PARVB: variants seen among roughly 807,000 people sequenced by gnomAD.
PARVB encodes the protein beta-parvin.
In PARVB, 46 loss-of-function variants were observed where a neutral mutation model predicts 47.0. That is an observed-to-expected ratio of 0.98 (90% CI 0.77 to 1.25). The LOEUF is 1.25. PARVB is among the 50% of genes most tolerant of loss of function. PARVB has a pLI of 0.00. For missense variants in PARVB, 473 were observed against 471.6 expected, an observed-to-expected ratio of 1.00 and a Z score of -0.03; for synonymous variants, 196 against 196.3, an observed-to-expected ratio of 1.00 and a Z score of 0.01.
chr22:44,046,757 C>T (rs2051119359), intron 1 of PARVB, among the ~76,000 whole-genome samples: 2 of 152,180 alleles, frequency 1.3e-5, no homozygotes, highest in Non-Finnish European at 2.9e-5. Context: ...TTGGGGTGTT[C>T]CCACCAGTGT....
At chr22:44,074,946 G>A (rs1358427127) in intron 1 of PARVB, among the ~76,000 whole-genome samples, 1 of 152,222 alleles carries the variant, frequency 6.6e-6, no homozygotes, top group Non-Finnish European at 1.5e-5. Context: ...AGTCGGTGGG[G>A]ACGGGGCTTC....
At chr22:44,159,072 A>AGAGC (rs1038883667) in intron 11 of PARVB, among the ~76,000 whole-genome samples, 1 of 151,848 alleles carries the variant, frequency 6.6e-6, no homozygotes, top group Non-Finnish European at 1.5e-5. Flanking sequence ...CGAGAGAGAG[A>AGAGC]GAGCGAGCGA....
chr22:44,044,485 C>T (rs536590678), intron 1 of PARVB, among the ~76,000 whole-genome samples: 16 of 148,550 alleles, frequency 1.1e-4, no homozygotes, highest in South Asian at 8.6e-4. Context: ...CCACCACGCC[C>T]GGCCTGTTTT....
At chr22:44,007,914 A>T (rs1354303302) in intron 2 of PARVB, among the ~76,000 whole-genome samples, 1 of 152,218 alleles carries the variant, frequency 6.6e-6, no homozygotes, top group Non-Finnish European at 1.5e-5. Context: ...AAGCAGGATC[A>T]TACAGTATGT....
intron 1 of PARVB, among the ~76,000 whole-genome samples, chr22:44,042,416 G>A (rs1022136974): frequency 2.0e-5 from 3 of 152,172 alleles, no homozygotes; most frequent in Non-Finnish European, 4.4e-5. Context: ...GCGAGACTCC[G>A]AAGTGAAGGG....
intron 6 of PARVB, among the ~76,000 whole-genome samples, chr22:44,133,733 C>T (rs1292821677): frequency 5.9e-5 from 9 of 152,022 alleles, no homozygotes; most frequent in East Asian, 3.9e-4. Context: ...GACAAGGTCT[C>T]GCTATGTTGC....
intron 2 of PARVB, among the ~76,000 whole-genome samples, chr22:44,011,518 A>G (rs2050523135): frequency 6.6e-6 from 1 of 152,118 alleles, no homozygotes; most frequent in African/African-American, 2.4e-5. Context: ...GGCTGAGGCA[A>G]GAACATTGTA....
At chr22:44,147,524 T>C (rs569126832) in intron 8 of PARVB, 7 of 404,392 alleles carry the variant, frequency 1.7e-5, no homozygotes, top group African/African-American at 1.4e-4. Flanking sequence ...CAGGGAGAAT[T>C]CAGGACGCCT....
chr22:44,168,364 C>T, intron 12 of PARVB: 1 of 495,700 alleles, frequency 2.0e-6, no homozygotes, highest in East Asian at 3.6e-5. Flanking sequence ...CTGTTCTTGT[C>T]ACCCCAGGTG....
chr22:44,037,034 A>T (rs2050934618), intron 1 of PARVB, among the ~76,000 whole-genome samples: 1 of 151,862 alleles, frequency 6.6e-6, no homozygotes, highest in South Asian at 2.1e-4. Flanking sequence ...TAAAAGTTAA[A>T]GGAAGATTAA....
intron 2 of PARVB, among the ~76,000 whole-genome samples, chr22:44,001,109 G>A (rs2050408863): frequency 1.3e-5 from 2 of 152,178 alleles, no homozygotes; most frequent in Admixed American, 6.5e-5. Flanking sequence ...AATTAGCTGG[G>A]CGTGGTGGTG....
intron 10 of PARVB, among the ~76,000 whole-genome samples, chr22:44,154,536 T>TGTGG (rs1334622726): frequency 9.3e-6 from 1 of 107,056 alleles, no homozygotes; most frequent in East Asian, 3.3e-4. Context: ...GTCTGGTGGG[T>TGTGG]GTGTGTGTGT....
intron 4 of PARVB, chr22:44,119,953 T>A (rs2053006051): frequency 1.3e-5 from 6 of 452,522 alleles, no homozygotes; most frequent in South Asian, 3.1e-5. Context: ...AGATGATGCA[T>A]GAGAGGAATT....
rs1004528 is a variant in PARVB at position 44,056,392 on chromosome 22, G to A, written c.112+31941G>A. 7.2e-3 allele frequency among the ~76,000 whole-genome samples: 1,091 copies of A among 152,338 alleles called. 19 individuals carry two copies. Among genetic ancestry groups the A allele is most frequent in the African/African-American group, 0.025 (1,052 of 41,576 alleles). On this transcript the variant is annotated intron_variant, in intron 1 of 12. Coordinates refer to ENST00000338758, the MANE Select transcript of PARVB (RefSeq NM_013327.5). Reference sequence around the variant, plus strand: ...CACACACGGATGCAGCGTTGCCCGGGTTCGAATTCTGCCTGCGCCATTTCC... The same window carrying A: ...CACACACGGATGCAGCGTTGCCCGGATTCGAATTCTGCCTGCGCCATTTCC...
intron 6 of PARVB, among the ~76,000 whole-genome samples, chr22:44,134,757 G>A (rs1316811717): frequency 6.6e-6 from 1 of 152,188 alleles, no homozygotes; most frequent in African/African-American, 2.4e-5. Flanking sequence ...CAGGGTGGAA[G>A]GAAGGAAGGA....
At chr22:44,056,395 C>T (rs1221176192) in intron 1 of PARVB, among the ~76,000 whole-genome samples, 1 of 152,218 alleles carries the variant, frequency 6.6e-6, no homozygotes, top group Non-Finnish European at 1.5e-5. Context: ...TGCCCGGGTT[C>T]GAATTCTGCC....
At chr22:44,063,563 C>A (rs903849865) in intron 1 of PARVB, among the ~76,000 whole-genome samples, 1 of 152,082 alleles carries the variant, frequency 6.6e-6, no homozygotes, top group Non-Finnish European at 1.5e-5. Flanking sequence ...CAAGCACTTG[C>A]GGTGTGTCCT....
chr22:44,168,893 G>A lies in PARVB; in HGVS notation c.*215G>A, dbSNP rs1018780235. 4 of 530,104 alleles carry A rather than the reference G, an allele frequency of 7.5e-6. No individual in the cohort carries two copies. The African/African-American group carries it at 7.8e-5, about 10-fold the overall frequency. The allele number at this position is 530,104 out of a possible 1,614,324, so 32.8% of individuals were successfully genotyped here. A position where few individuals can be genotyped will look rare whatever the true frequency, so the allele number is the denominator to read the frequency against. On this transcript the variant is annotated 3_prime_UTR_variant, in exon 13 of 13. Transcript: ENST00000338758. ...TCTCCATGTAGTTCCCAGTGGGCAAGAGCCTTTGAAAATGCAGGATTCTAA... is the reference window on the plus strand; with the variant it reads ...TCTCCATGTAGTTCCCAGTGGGCAAAAGCCTTTGAAAATGCAGGATTCTAA...
rs751963365 is a variant in PARVB, at chr22:44,068,218, C to T, written c.113-25710C>T. On this transcript the variant is annotated intron_variant, in intron 1 of 12. Coordinates refer to ENST00000338758, the MANE Select transcript of PARVB (RefSeq NM_013327.5). The surrounding 1 kb of genome is among the most constrained non-coding windows in gnomAD (Gnocchi z 4.1). ...TTGGAATAAATAAAAGCTAATCGTG[C>T]TTCCTGGATGCCAGGAACCACTGAA... 2.0e-5 allele frequency among the ~76,000 whole-genome samples: 3 copies of T among 152,218 alleles called. No homozygotes were observed. The highest frequency in any genetic ancestry group is 4.4e-5 in the Non-Finnish European group (3 of 68,034).
Sources: gnomAD v4.1 joint callset for allele counts (sites outside exome capture counted in the v4.1 genomes callset) on GRCh38, gnomAD v4.1.1 for gene constraint, Gnocchi (gnomAD v3.1) non-coding constraint, MANE v1.5 for transcripts, NCBI Gene and HGNC (gene_info 2026-07-23, HGNC 2026-07-21) for gene names.